The following KLHL29 variants were observed in gnomAD, a reference collection of about 807,000 sequenced individuals.
KLHL29 encodes the protein kelch like family member 29.
Under a neutral mutation model 80.4 loss-of-function variants are expected in KLHL29, and 21 were observed. The ratio of observed to expected loss-of-function variants is 0.26; its 90% CI spans 0.19 to 0.38. The LOEUF is 0.38. Ranked by LOEUF, KLHL29 falls within the 10% of genes least tolerant of loss-of-function variation. The probability of loss-of-function intolerance (pLI) is 1.00; values close to 1 mark genes in which losing one functional copy is unlikely to be tolerated. For missense variants in KLHL29, 867 were observed against 1,223.9 expected, an observed-to-expected ratio of 0.71 and a Z score of 4.35; for synonymous variants, 511 against 526.8, an observed-to-expected ratio of 0.97 and a Z score of 0.41.
intron 1 of KLHL29, among the ~76,000 whole-genome samples, chr2:23,388,989 CTTTT>C (rs10691490): frequency 3.7e-5 from 4 of 106,886 alleles, no homozygotes; most frequent in East Asian, 2.7e-4. Flanking sequence ...CTTTCTTCTT[CTTTT>C]TTTTTTTTTT....
chr2:23,575,883 T>C (rs1667830139), intron 3 of KLHL29, among the ~76,000 whole-genome samples: 1 of 152,206 alleles, frequency 6.6e-6, no homozygotes, highest in Admixed American at 6.5e-5. Flanking sequence ...GCCTGGCAGA[T>C]AGACTCCCTG....
At position 23,669,061 on chromosome 2, in the gene KLHL29, G is replaced by A. The variant is rs1670635681; in HGVS notation, c.941-15338G>A. The A allele has an allele frequency of 1.3e-5, 2 of 152,216 alleles. No individual in the cohort carries two copies. Among genetic ancestry groups the A allele is most frequent in the African/African-American group, 4.8e-5 (2 of 41,392 alleles). 9.4% of individuals were successfully genotyped at this position (152,216 alleles called of 1,614,324 possible). ...GGGCCGGGGGCTGTGGAGTCTAGGA[G>A]GACCTGGTCCTGTGTGACCACAGGG... is the stretch of plus-strand genomic sequence containing the variant. On this transcript the variant is annotated intron_variant, in intron 5 of 13. Transcript: ENST00000486442. This position sits in a 1 kb window ranked among gnomAD's most constrained non-coding sequence, Gnocchi z 4.3.
At chr2:23,501,593 C>T (rs1665437530) in intron 2 of KLHL29, among the ~76,000 whole-genome samples, 2 of 152,168 alleles carry the variant, frequency 1.3e-5, no homozygotes, top group South Asian at 2.1e-4. Context: ...AGCTTTAGAA[C>T]GCTGCTGTTT....
chr2:23,549,333 A>G (rs1667063655), intron 2 of KLHL29, among the ~76,000 whole-genome samples: 2 of 152,232 alleles, frequency 1.3e-5, no homozygotes, highest in Admixed American at 1.3e-4. Flanking sequence ...ATTACTGCAC[A>G]CAAGCTGTTC....
At position 23,457,391 on chromosome 2, in the gene KLHL29, C is replaced by T. The variant is rs1384608459; in HGVS notation, c.-153-18169C>T. Among the ~76,000 whole-genome samples, 1 of 152,164 alleles carries T rather than the reference C, an allele frequency of 6.6e-6. No individual in the cohort carries two copies. The highest frequency in any genetic ancestry group is 1.5e-5 in the Non-Finnish European group (1 of 68,020). On this transcript the variant is annotated intron_variant, in intron 1 of 13. Transcript: ENST00000486442. The surrounding 1 kb of genome is among the most constrained non-coding windows in gnomAD (Gnocchi z 4.3). ...ACAGCCAGAGGTTCTTAATTCTTTC[C>T]TTCATCTTCCTCTCCTTTGATTCTG...
intron 3 of KLHL29, among the ~76,000 whole-genome samples, chr2:23,581,828 CA>C (rs58233449): frequency 0.029 from 2,419 of 82,870 alleles, 52 homozygotes; most frequent in South Asian, 0.067. Context: ...AACTCTGCCT[CA>C]AAAAAAAAAA....
At chr2:23,424,295 C>T (rs561994804) in intron 1 of KLHL29, among the ~76,000 whole-genome samples, 6 of 152,222 alleles carry the variant, frequency 3.9e-5, no homozygotes, top group South Asian at 2.1e-4. Context: ...CATGTGTGTG[C>T]GTGGGCGGGT....
At chr2:23,597,875 G>A (rs938973404) in intron 3 of KLHL29, among the ~76,000 whole-genome samples, 17 of 152,202 alleles carry the variant, frequency 1.1e-4, no homozygotes, top group Middle Eastern at 3.4e-3. Context: ...TGGTCTTTCC[G>A]CAACCCTGCC....
intron 3 of KLHL29, among the ~76,000 whole-genome samples, chr2:23,591,734 C>T (rs1405649477): frequency 6.6e-6 from 1 of 152,216 alleles, no homozygotes; most frequent in Admixed American, 6.5e-5. Flanking sequence ...AGCCTGCCCT[C>T]TCTACCCTCC....
chr2:23,467,320 G>T (rs567928406), intron 1 of KLHL29, among the ~76,000 whole-genome samples: 1 of 152,346 alleles, frequency 6.6e-6, no homozygotes, highest in Admixed American at 6.5e-5. Context: ...AACAGAATTA[G>T]CTTCTCATTC....
rs532409239 is a variant in KLHL29, at chr2:23,527,608, G to A, written c.-45-34544G>A. Among the ~76,000 whole-genome samples, 36 of 152,316 alleles carry A rather than the reference G, an allele frequency of 2.4e-4. 1 individual carries two copies. The highest frequency in any genetic ancestry group is 2.0e-3 in the Admixed American group (31 of 15,304). On this transcript the variant is annotated intron_variant, in intron 2 of 13. Coordinates refer to ENST00000486442, the MANE Select transcript of KLHL29 (RefSeq NM_052920.2). ...CTAGAGCCTTTCTCAGCGAAGAGTC[G>A]GCTTGGTCTTGACAGCACGGTGAAA...
At chr2:23,703,433 T>C in intron 12 of KLHL29, 54 bp downstream of exon 12, 7 of 1,377,446 alleles carry the variant, frequency 5.1e-6, no homozygotes, top group South Asian at 1.5e-5. Context: ...CCTGCCTTGC[T>C]GATTTGTTCA....
chr2:23,631,781 C>G (rs1171379582), intron 3 of KLHL29, among the ~76,000 whole-genome samples: 1 of 152,178 alleles, frequency 6.6e-6, no homozygotes, highest in Non-Finnish European at 1.5e-5. Flanking sequence ...CCTTCTGACC[C>G]CCTGAAACCT....
intron 5 of KLHL29, among the ~76,000 whole-genome samples, chr2:23,652,024 T>G (rs1033805522): frequency 1.3e-5 from 2 of 152,198 alleles, no homozygotes; most frequent in Non-Finnish European, 2.9e-5. Context: ...GGGGACACAT[T>G]TCAGTCCGTA....
intron 1 of KLHL29, among the ~76,000 whole-genome samples, chr2:23,461,055 C>T (rs929782926): frequency 6.6e-6 from 1 of 152,226 alleles, no homozygotes; most frequent in African/African-American, 2.4e-5. Flanking sequence ...GAAAGATCGT[C>T]CCGGTGGCTG....
Position 23,696,759 on chromosome 2 carries a change from C to T in KLHL29, c.2105+246C>T, listed in dbSNP as rs182031187. On this transcript the variant is annotated intron_variant, in intron 11 of 13. Coordinates refer to ENST00000486442, the MANE Select transcript of KLHL29 (RefSeq NM_052920.2). The surrounding 1 kb of genome is among the most constrained non-coding windows in gnomAD (Gnocchi z 5.5). ...GAGATGGGAGATGGGGCGCTTCTGT[C>T]CCGACAACCCATTTAGGTGTCAGAC... is the stretch of plus-strand genomic sequence containing the variant. 3.5e-5 allele frequency: 16 copies of T among 450,974 alleles called. No individual in the cohort carries two copies. The highest frequency in any genetic ancestry group is 6.2e-5 in the African/African-American group (3 of 48,714). The allele number at this position is 450,974 out of a possible 1,614,324, so 27.9% of individuals were successfully genotyped here. A position where few individuals can be genotyped will look rare whatever the true frequency, so the allele number is the denominator to read the frequency against.
chr2:23,526,243 C>T lies in KLHL29; in HGVS notation c.-45-35909C>T, dbSNP rs559386122. On this transcript the variant is annotated intron_variant, in intron 2 of 13. Coordinates refer to ENST00000486442, the MANE Select transcript of KLHL29 (RefSeq NM_052920.2). Reference sequence around the variant, plus strand: ...GTGCAGTCGTGGTGTTCATTGCCAGCGCATGCAGTTCAGAGGAACGTGGGC... The same window carrying T: ...GTGCAGTCGTGGTGTTCATTGCCAGTGCATGCAGTTCAGAGGAACGTGGGC... Among the ~76,000 whole-genome samples, 16 of 151,238 alleles carry T rather than the reference C, an allele frequency of 1.1e-4. No individual in the cohort carries two copies. In the South Asian group the frequency reaches 2.3e-3, roughly 22 times the overall value.
rs1558346343 is a variant in KLHL29 at position 23,460,527 on chromosome 2, A to G, written c.-153-15033A>G. 2.6e-5 allele frequency among the ~76,000 whole-genome samples: 4 copies of G among 152,150 alleles called. No homozygotes were observed. In the South Asian group the frequency reaches 8.3e-4, roughly 32 times the overall value. On this transcript the variant is annotated intron_variant, in intron 1 of 13. Transcript: ENST00000486442. ...ATTACAAAGAATTATCTTGCCCCAA[A>G]CAAGAATGGGGTGAAAATGGCTAGA...
In KLHL29 at chr2:23,629,848, C is replaced by A. The variant is rs577575445; in HGVS notation, c.286-9291C>A. 1.4e-3 allele frequency among the ~76,000 whole-genome samples: 220 copies of A among 152,290 alleles called. 1 individual carries two copies. Among genetic ancestry groups the A allele is most frequent in the African/African-American group, 5.0e-3 (208 of 41,560 alleles). On this transcript the variant is annotated intron_variant, in intron 3 of 13. Coordinates refer to ENST00000486442, the MANE Select transcript of KLHL29 (RefSeq NM_052920.2). ...ATTAAGAAAGAAGACAGGGCCCCAA[C>A]AATCCTGAGAGAGGGAGAGAGAGGC...
Sources: gnomAD v4.1 joint callset for allele counts (sites outside exome capture counted in the v4.1 genomes callset) on GRCh38, gnomAD v4.1.1 for gene constraint, Gnocchi (gnomAD v3.1) non-coding constraint, MANE v1.5 for transcripts, NCBI Gene and HGNC (gene_info 2026-07-23, HGNC 2026-07-21) for gene names.